MOBP: variants seen among roughly 807,000 people sequenced by gnomAD.
The protein encoded by MOBP is myelin-associated oligodendrocyte basic protein.
In MOBP, 5 loss-of-function variants were observed where a neutral mutation model predicts 15.0. That is an observed-to-expected ratio of 0.33 (90% CI 0.17 to 0.70). The LOEUF (loss-of-function observed/expected upper bound fraction) is 0.70, where lower values mean the gene tolerates loss of function less well. Among genes scored for constraint, MOBP ranks in the 30% least tolerant of loss-of-function variants. The pLI is 0.67. For synonymous variants in MOBP, 88 were observed against 99.0 expected, an observed-to-expected ratio of 0.89 and a Z score of 0.66; for missense variants, 188 against 257.8, an observed-to-expected ratio of 0.73 and a Z score of 1.85.
chr3:39,499,066 G>A (rs2042931177), intron 2 of MOBP, among the ~76,000 whole-genome samples: 1 of 152,182 alleles, frequency 6.6e-6, no homozygotes, highest in Admixed American at 6.5e-5. Flanking sequence ...GAGCCGTTTG[G>A]GAAAAGGTGA....
At chr3:39,495,972 A>G (rs1466782902) in intron 2 of MOBP, among the ~76,000 whole-genome samples, 1 of 151,898 alleles carries the variant, frequency 6.6e-6, no homozygotes, top group Non-Finnish European at 1.5e-5. Flanking sequence ...CAGATTTATT[A>G]CAAATTTTAA....
At chr3:39,513,295 C>T (rs2233204) in intron 4 of MOBP, 406,449 of 1,247,652 alleles carry the variant, frequency 0.33, 70,728 homozygotes, top group Non-Finnish European at 0.36. Flanking sequence ...TCAAAATCCA[C>T]AATTATACTA....
chr3:39,502,492 G>T lies in MOBP; in HGVS notation c.207-43G>T. On this transcript the variant is annotated intron_variant, in intron 3 of 3. Transcript: ENST00000684792. The surrounding 1 kb of genome is among the most constrained non-coding windows in gnomAD (Gnocchi z 6.3). The stretch of plus-strand genomic sequence containing the variant: ...TGCCAGCGTCGCTTAAGCAGCAGAG[G>T]AGAGCCCTGGCTCCCGCCTCCAGCT... 6.5e-7 allele frequency: 1 copy of T among 1,548,720 alleles called. No individual in the cohort carries two copies.
chr3:39,476,524 A>G (rs1559414758), intron 1 of MOBP, among the ~76,000 whole-genome samples: 1 of 152,212 alleles, frequency 6.6e-6, no homozygotes, highest in African/African-American at 2.4e-5. Context: ...TTCTTTGGAT[A>G]GTAAGAAACT....
downstream of MOBP, among the ~76,000 whole-genome samples, chr3:39,516,785 G>A (rs2043207452): frequency 6.6e-6 from 1 of 152,176 alleles, no homozygotes; most frequent in Non-Finnish European, 1.5e-5. Flanking sequence ...TCAGGTGGAA[G>A]GAATAAGAGT....
At chr3:39,468,955 T>C (rs566918495) in intron 1 of MOBP, among the ~76,000 whole-genome samples, 15 of 118,732 alleles carry the variant, frequency 1.3e-4, no homozygotes, top group African/African-American at 5.4e-4. Context: ...TATATACATA[T>C]ATACATATGT....
At chr3:39,517,422 G>A (rs2043216821), downstream of MOBP, among the ~76,000 whole-genome samples, 1 of 152,232 alleles carries the variant, frequency 6.6e-6, no homozygotes, top group Admixed American at 6.5e-5. Flanking sequence ...GGGGTACTTG[G>A]AGATCCCACT....
intron 4 of MOBP, chr3:39,513,333 T>A: frequency 6.6e-7 from 1 of 1,513,728 alleles, no homozygotes; most frequent in Non-Finnish European, 9.2e-7. Flanking sequence ...AGAGAGAGTA[T>A]ACATCACCTA....
Position 39,496,258 on chromosome 3 carries a change from G to A in MOBP, c.-4-5808G>A, listed in dbSNP as rs189885452. The stretch of plus-strand genomic sequence containing the variant: ...CTGTCGCCCAGGCTGGAGTGCAGTG[G>A]CCCGATCTCGGCTCAGTGCAAGCTC... On this transcript the variant is annotated intron_variant, in intron 2 of 3. Coordinates refer to ENST00000684792, the MANE Select transcript of MOBP (RefSeq NM_001393704.1). Among the ~76,000 whole-genome samples, 76 of 148,652 alleles carry A rather than the reference G, an allele frequency of 5.1e-4. 1 individual carries two copies. The South Asian group carries it at 8.4e-3, about 16-fold the overall frequency.
chr3:39,494,796 C>CAA (rs564079882), intron 2 of MOBP, among the ~76,000 whole-genome samples: 1 of 117,398 alleles, frequency 8.5e-6, no homozygotes, highest in African/African-American at 3.2e-5. Flanking sequence ...CCCCCCGCCC[C>CAA]CCGAGTTACG....
chr3:39,484,405 T>G (rs1325336219), intron 2 of MOBP, among the ~76,000 whole-genome samples: 1 of 151,960 alleles, frequency 6.6e-6, no homozygotes, highest in African/African-American at 2.4e-5. Context: ...AGTTTTTGAG[T>G]AGGGACAGGT....
chr3:39,482,906 A>T (rs532159158), intron 2 of MOBP, among the ~76,000 whole-genome samples: 1 of 151,990 alleles, frequency 6.6e-6, no homozygotes, highest in South Asian at 2.1e-4. Flanking sequence ...TCTGTCCCAA[A>T]CACTCTCGGC....
chr3:39,480,390 T>C (rs1379085114), intron 2 of MOBP, among the ~76,000 whole-genome samples: 1 of 152,208 alleles, frequency 6.6e-6, no homozygotes, highest in Non-Finnish European at 1.5e-5. Context: ...AACCCACATA[T>C]CATGCACAGC....
chr3:39,472,674 C>CT (rs1281856454), intron 1 of MOBP, among the ~76,000 whole-genome samples: 1 of 152,192 alleles, frequency 6.6e-6, no homozygotes, highest in African/African-American at 2.4e-5. Context: ...GCCTGTAATC[C>CT]TAGCACTTTG....
downstream of MOBP, among the ~76,000 whole-genome samples, chr3:39,517,306 G>C (rs994700522): frequency 2.6e-5 from 4 of 152,166 alleles, no homozygotes; most frequent in Non-Finnish European, 4.4e-5. Context: ...TGGGAAATGA[G>C]AGAGGTTGTC....
intron 1 of MOBP, among the ~76,000 whole-genome samples, chr3:39,477,191 A>G (rs6779639): frequency 0.27 from 41,654 of 151,936 alleles, 7,279 homozygotes; most frequent in African/African-American, 0.49. Context: ...AGATATTTCT[A>G]CTTGGTTAAC....
At chr3:39,527,834 G>A (rs929866454), downstream of MOBP, 5 of 152,240 alleles carry the variant, frequency 3.3e-5, no homozygotes, top group Admixed American at 2.0e-4. Context: ...TTTCTTTGGT[G>A]TTCATCTAGA....
chr3:39,476,757 T>G (rs2042550855), intron 1 of MOBP, among the ~76,000 whole-genome samples: 1 of 152,134 alleles, frequency 6.6e-6, no homozygotes, highest in Admixed American at 6.5e-5. Flanking sequence ...GTGATTGATT[T>G]ATTTTGTTTG....
chr3:39,484,340 G>A (rs1050873103), intron 2 of MOBP, among the ~76,000 whole-genome samples: 5 of 152,204 alleles, frequency 3.3e-5, no homozygotes, highest in African/African-American at 1.2e-4. Context: ...AGGGGTCTAT[G>A]TGCCGTATTA....
Sources: gnomAD v4.1 joint callset for allele counts (sites outside exome capture counted in the v4.1 genomes callset) on GRCh38, gnomAD v4.1.1 for gene constraint, Gnocchi (gnomAD v3.1) non-coding constraint, MANE v1.5 for transcripts, NCBI Gene and HGNC (gene_info 2026-07-23, HGNC 2026-07-21) for gene names.